PTPRM: variants seen among roughly 807,000 people sequenced by gnomAD.
PTPRM encodes the protein receptor-type tyrosine-protein phosphatase mu.
In PTPRM, 47 loss-of-function variants were observed where a neutral mutation model predicts 186.7. The observed-to-expected ratio is 0.25, with a 90% CI of 0.20 to 0.32. The LOEUF (loss-of-function observed/expected upper bound fraction) is 0.32. PTPRM is among the 10% of genes least tolerant of loss of function. PTPRM has a pLI of 1.00. For missense variants in PTPRM, 1,494 were observed against 1,865.0 expected, an observed-to-expected ratio of 0.80 and a Z score of 3.66; for synonymous variants, 668 against 674.9, an observed-to-expected ratio of 0.99 and a Z score of 0.16.
At chr18:8,076,626 C>T (rs543822155) in intron 9 of PTPRM, 62 bp downstream of exon 9, 1 of 828,776 alleles carries the variant, frequency 1.2e-6, no homozygotes. Context: ...ATAATGTAGG[C>T]TATCTAGTAT....
chr18:8,316,796 A>G (rs2095311912), intron 21 of PTPRM, among the ~76,000 whole-genome samples: 1 of 152,164 alleles, frequency 6.6e-6, no homozygotes, highest in South Asian at 2.1e-4. Flanking sequence ...CCTGATGGCA[A>G]TTTTGAATCG....
chr18:8,402,557 A>G (rs966520861), intron 32 of PTPRM, among the ~76,000 whole-genome samples: 2 of 152,224 alleles, frequency 1.3e-5, no homozygotes, highest in Non-Finnish European at 1.5e-5. Context: ...TAATTGCACA[A>G]TTAGGCTTGT....
At chr18:8,348,990 T>A (rs2095520190) in intron 23 of PTPRM, among the ~76,000 whole-genome samples, 1 of 152,164 alleles carries the variant, frequency 6.6e-6, no homozygotes, top group South Asian at 2.1e-4. Flanking sequence ...TTCTTGGATA[T>A]TTTCCACCCA....
chr18:8,304,377 A>G (rs537403056), intron 20 of PTPRM, among the ~76,000 whole-genome samples: 1 of 152,160 alleles, frequency 6.6e-6, no homozygotes, highest in Non-Finnish European at 1.5e-5. Context: ...CGGGGGGAAA[A>G]CCTCAGCGGA....
chr18:8,214,435 T>G (rs2094051504), intron 14 of PTPRM, among the ~76,000 whole-genome samples: 1 of 152,316 alleles, frequency 6.6e-6, no homozygotes, highest in African/African-American at 2.4e-5. Context: ...CCAATTTCAT[T>G]TATTAAATTC....
chr18:8,321,827 C>A (rs1356186487), intron 22 of PTPRM, among the ~76,000 whole-genome samples: 2 of 152,120 alleles, frequency 1.3e-5, no homozygotes, highest in Non-Finnish European at 2.9e-5. Context: ...ATAATACATT[C>A]ATACCATGAT....
chr18:8,097,989 A>G (rs2091094014), intron 11 of PTPRM, among the ~76,000 whole-genome samples: 1 of 152,240 alleles, frequency 6.6e-6, no homozygotes, highest in South Asian at 2.1e-4. Context: ...ATTTAGCTTT[A>G]GGTTTACAGA....
Position 7,740,943 on chromosome 18 carries a change from G to A in PTPRM, c.74-33206G>A, listed in dbSNP as rs2040872632. On this transcript the variant is annotated intron_variant, in intron 1 of 32. Coordinates refer to ENST00000580170, the MANE Select transcript of PTPRM (RefSeq NM_001105244.2). ...TTTGAGAGACGAATACATAGCTGAA[G>A]CAGGGAGTAGGGCATGATTGAGTTC... 5.3e-5 allele frequency among the ~76,000 whole-genome samples: 8 copies of A among 152,202 alleles called. 1 individual carries two copies. The highest frequency in any genetic ancestry group is 5.2e-4 in the Admixed American group (8 of 15,268).
intron 30 of PTPRM, 32 bp from the exon 31 acceptor site, chr18:8,387,040 C>G (rs1416665942): frequency 6.5e-7 from 1 of 1,548,098 alleles, no homozygotes; most frequent in Non-Finnish European, 8.9e-7. Flanking sequence ...TGTTTTCTTT[C>G]CACTCCCCGA....
At chr18:7,842,642 G>C (rs1042811027) in intron 2 of PTPRM, among the ~76,000 whole-genome samples, 1 of 151,966 alleles carries the variant, frequency 6.6e-6, no homozygotes, top group African/African-American at 2.4e-5. Context: ...AAAAGAGACA[G>C]AGTTTTCCTA....
intron 1 of PTPRM, among the ~76,000 whole-genome samples, chr18:7,702,194 G>A (rs1215971975): frequency 1.3e-5 from 2 of 152,208 alleles, no homozygotes; most frequent in East Asian, 3.9e-4. Flanking sequence ...ATAATTCTTT[G>A]GGTATATACT....
At chr18:8,010,554 T>C (rs1365243535) in intron 7 of PTPRM, among the ~76,000 whole-genome samples, 1 of 152,124 alleles carries the variant, frequency 6.6e-6, no homozygotes, top group Non-Finnish European at 1.5e-5. Context: ...CAGCAAGAAT[T>C]GAGAAACAAA....
rs546762910 is a variant in PTPRM, at chr18:8,043,351, C to T, written c.1133-26335C>T. Among the ~76,000 whole-genome samples the T allele has an allele frequency of 9.9e-5, 15 of 152,246 alleles. No individual in the cohort carries two copies. In the South Asian group the frequency reaches 2.9e-3, roughly 30 times the overall value. The stretch of plus-strand genomic sequence containing the variant: ...ATTTCTTAATGTTAACCTGAAGCCG[C>T]AGTTTTAGTCTGCTGCCCAGACAGG... On this transcript the variant is annotated intron_variant, in intron 7 of 32. Coordinates refer to ENST00000580170, the MANE Select transcript of PTPRM (RefSeq NM_001105244.2).
At chr18:7,794,579 A>G (rs767718762) in intron 2 of PTPRM, among the ~76,000 whole-genome samples, 14 of 152,200 alleles carry the variant, frequency 9.2e-5, no homozygotes, top group East Asian at 1.9e-4. Flanking sequence ...AGGATATACT[A>G]TAAGGGATAG....
At chr18:7,985,938 C>T (rs148966846) in intron 7 of PTPRM, among the ~76,000 whole-genome samples, 174 of 151,924 alleles carry the variant, frequency 1.1e-3, no homozygotes, top group African/African-American at 4.2e-3. Flanking sequence ...GTACACAAAC[C>T]CTAATGCAAA....
rs539316944 is a variant in PTPRM at position 7,648,251 on chromosome 18, ACTC to A, written c.73+80364_73+80366del. On this transcript the variant is annotated intron_variant, in intron 1 of 32. Transcript: ENST00000580170. ...CTTAATTGATAAATGTGTGCTTTTC[ACTC>A]CTCTGCTGCTGGGCTGGCTGTTACC... Among the ~76,000 whole-genome samples the A allele has an allele frequency of 1.4e-4, 21 of 151,526 alleles. No individual in the cohort carries two copies. The East Asian group carries it at 2.9e-3, about 21-fold the overall frequency.
chr18:7,835,797 T>G (rs193293692), intron 2 of PTPRM, among the ~76,000 whole-genome samples: 42 of 152,290 alleles, frequency 2.8e-4, no homozygotes, highest in African/African-American at 9.9e-4. Context: ...TCTTGCTAAA[T>G]TGACCCGTTT....
chr18:7,703,911 TC>T (rs2040019865), intron 1 of PTPRM, among the ~76,000 whole-genome samples: 1 of 152,232 alleles, frequency 6.6e-6, no homozygotes, highest in South Asian at 2.1e-4. Flanking sequence ...AAAGGCTTTT[TC>T]TGCATCTTTT....
chr18:7,872,667 G>T (rs1366567697), intron 2 of PTPRM, among the ~76,000 whole-genome samples: 3 of 152,196 alleles, frequency 2.0e-5, no homozygotes, highest in Non-Finnish European at 4.4e-5. Context: ...AGTGATTCAC[G>T]TGGCATCTCT....
Sources: gnomAD v4.1 joint callset for allele counts (sites outside exome capture counted in the v4.1 genomes callset) on GRCh38, gnomAD v4.1.1 for gene constraint, MANE v1.5 for transcripts, NCBI Gene and HGNC (gene_info 2026-07-23, HGNC 2026-07-21) for gene names.